The following SUCLG2 variants were observed in gnomAD, a reference collection of about 807,000 sequenced individuals.
SUCLG2 encodes succinate-CoA ligase GDP-forming subunit beta, also known as succinate--CoA ligase [GDP-forming] subunit beta, mitochondrial.
Under a neutral mutation model 47.9 loss-of-function variants are expected in SUCLG2, and 42 were observed. The ratio of observed to expected loss-of-function variants is 0.88; its 90% confidence interval spans 0.69 to 1.14. The LOEUF is 1.14. Among genes scored for constraint, SUCLG2 ranks in the 50% most tolerant of loss-of-function variants. The probability of loss-of-function intolerance (pLI) is 0.00; values close to 1 mark genes in which losing one functional copy is unlikely to be tolerated. For missense variants in SUCLG2, 571 were observed against 525.9 expected (o/e 1.09, Z -0.84); for synonymous variants, 195 against 197.3 (o/e 0.99, Z 0.10).
intron 10 of SUCLG2, among the ~76,000 whole-genome samples, chr3:67,391,009 C>T (rs1702367952): frequency 2.0e-5 from 3 of 152,132 alleles, no homozygotes; most frequent in Admixed American, 6.5e-5. Context: ...TAATAATAAA[C>T]CTCGAGATAA....
chr3:67,448,517 T>A (rs1703979952), intron 9 of SUCLG2, among the ~76,000 whole-genome samples: 1 of 152,142 alleles, frequency 6.6e-6, no homozygotes, highest in Admixed American at 6.5e-5. Context: ...CCTGAGTAGC[T>A]GGGATTACAG....
chr3:67,518,657 G>A (rs1706017180), intron 5 of SUCLG2, among the ~76,000 whole-genome samples: 1 of 152,112 alleles, frequency 6.6e-6, no homozygotes, highest in African/African-American at 2.4e-5. Flanking sequence ...ACATCTTTTG[G>A]AAGGTTTCCA....
At chr3:67,603,885 A>G (rs1252239375) in intron 2 of SUCLG2, among the ~76,000 whole-genome samples, 2 of 152,214 alleles carry the variant, frequency 1.3e-5, no homozygotes, top group Non-Finnish European at 2.9e-5. Flanking sequence ...TTCTGTAATG[A>G]TCTGTTGACT....
intron 9 of SUCLG2, chr3:67,408,528 C>T (rs929176312): frequency 1.3e-6 from 1 of 742,582 alleles, no homozygotes; most frequent in African/African-American, 1.9e-5. Context: ...ATGGAGAGAT[C>T]CTCTGGGGAC....
At chr3:67,509,711 A>T (rs553385520) in intron 6 of SUCLG2, among the ~76,000 whole-genome samples, 16 of 152,316 alleles carry the variant, frequency 1.1e-4, no homozygotes, top group Admixed American at 6.5e-4. Context: ...GCACAGAGCA[A>T]GAGGGTGGAT....
At chr3:67,427,419 T>G (rs564681920) in intron 9 of SUCLG2, among the ~76,000 whole-genome samples, 1 of 152,348 alleles carries the variant, frequency 6.6e-6, no homozygotes, top group East Asian at 1.9e-4. Flanking sequence ...AGTATTTCTA[T>G]GGGCACATTA....
intron 2 of SUCLG2, among the ~76,000 whole-genome samples, chr3:67,585,393 G>C (rs1707989742): frequency 6.6e-6 from 1 of 152,196 alleles, no homozygotes; most frequent in African/African-American, 2.4e-5. Context: ...CGGACACTCA[G>C]TGCTCCTCTC....
intron 2 of SUCLG2, among the ~76,000 whole-genome samples, chr3:67,588,995 C>T (rs1708092565): frequency 6.6e-6 from 1 of 152,192 alleles, no homozygotes; most frequent in South Asian, 2.1e-4. Context: ...CTCTGGTGAC[C>T]TCTAAGACCC....
intron 2 of SUCLG2, among the ~76,000 whole-genome samples, chr3:67,608,009 T>C (rs2107310001): frequency 6.6e-6 from 1 of 152,294 alleles, no homozygotes; most frequent in Admixed American, 6.5e-5. Flanking sequence ...AATACACTCC[T>C]AAAGACTCGC....
At chr3:67,542,645 A>G (rs1246935544) in intron 2 of SUCLG2, among the ~76,000 whole-genome samples, 3 of 152,230 alleles carry the variant, frequency 2.0e-5, no homozygotes, top group African/African-American at 7.2e-5. Flanking sequence ...AAGCAAATGG[A>G]AAGCAAACAA....
intron 2 of SUCLG2, among the ~76,000 whole-genome samples, chr3:67,588,034 C>A (rs1219014992): frequency 4.6e-5 from 7 of 152,150 alleles, no homozygotes; most frequent in Non-Finnish European, 7.3e-5. Context: ...TGCTAGCATT[C>A]TGTTTTACAC....
intron 9 of SUCLG2, among the ~76,000 whole-genome samples, chr3:67,495,477 C>A (rs911877290): frequency 2.6e-5 from 4 of 151,852 alleles, no homozygotes; most frequent in African/African-American, 9.7e-5. Flanking sequence ...ACATGAGAAA[C>A]CCTGTCTCTA....
At chr3:67,619,669 T>G (rs1366176367) in intron 1 of SUCLG2, among the ~76,000 whole-genome samples, 1 of 152,176 alleles carries the variant, frequency 6.6e-6, no homozygotes, top group African/African-American at 2.4e-5. Flanking sequence ...CTTTTTATCC[T>G]AGGTTCAGCA....
In SUCLG2 at chr3:67,510,129, T is replaced by C. The variant is rs139126737; in HGVS notation, c.661-1226A>G. 6.0e-4 allele frequency among the ~76,000 whole-genome samples: 91 copies of C among 152,354 alleles called. No individual in the cohort carries two copies. The East Asian group carries it at 0.015, about 25-fold the overall frequency. On this transcript the variant is annotated intron_variant, in intron 6 of 10. Transcript: ENST00000307227. ...TCATTTTTGTTCCTGGAGCATGTGGTTGGATATGCTTTAGGTTGCCTTTCT... is the reference window on the plus strand; with the variant it reads ...TCATTTTTGTTCCTGGAGCATGTGGCTGGATATGCTTTAGGTTGCCTTTCT...
chr3:67,380,162 G>A (rs1028415726), intron 10 of SUCLG2, among the ~76,000 whole-genome samples: 4 of 129,106 alleles, frequency 3.1e-5, no homozygotes, highest in Non-Finnish European at 5.0e-5. Context: ...GCAATCAGGA[G>A]GGATTTTTTT....
intron 1 of SUCLG2, among the ~76,000 whole-genome samples, chr3:67,645,837 A>G (rs1378569998): frequency 1.3e-5 from 2 of 151,534 alleles, no homozygotes; most frequent in Non-Finnish European, 2.9e-5. Flanking sequence ...ACTAACTCAA[A>G]TAAGTCCTTC....
intron 2 of SUCLG2, among the ~76,000 whole-genome samples, chr3:67,602,669 T>C (rs1708444904): frequency 6.6e-6 from 1 of 152,162 alleles, no homozygotes; most frequent in Non-Finnish European, 1.5e-5. Flanking sequence ...TCTTTATAAA[T>C]ACAGTTAGGG....
At chr3:67,403,306 T>A (rs947336869) in intron 9 of SUCLG2, among the ~76,000 whole-genome samples, 8 of 152,154 alleles carry the variant, frequency 5.3e-5, no homozygotes, top group African/African-American at 1.9e-4. Context: ...GCAACTCCCG[T>A]GTTTGGATCA....
chr3:67,605,701 C>T (rs913998121), intron 2 of SUCLG2, among the ~76,000 whole-genome samples: 2 of 152,138 alleles, frequency 1.3e-5, no homozygotes, highest in Non-Finnish European at 2.9e-5. Flanking sequence ...CACACACACA[C>T]AACCATGCAT....
Sources: gnomAD v4.1 joint callset for allele counts (sites outside exome capture counted in the v4.1 genomes callset) on GRCh38, gnomAD v4.1.1 for gene constraint, MANE v1.5 for transcripts, NCBI Gene and HGNC (gene_info 2026-07-23, HGNC 2026-07-21) for gene names.